NBAS: variants seen among roughly 807,000 people sequenced by gnomAD.
The protein encoded by NBAS is NBAS subunit of NRZ tethering complex.
NBAS carries 219 observed loss-of-function variants against 302.5 expected under a neutral mutation model. The ratio of observed to expected loss-of-function variants is 0.72; its 90% CI spans 0.65 to 0.81. The LOEUF (loss-of-function observed/expected upper bound fraction) is 0.81. Ranked by LOEUF, NBAS falls within the 30% of genes least tolerant of loss-of-function variation. The pLI, the probability that NBAS is intolerant of heterozygous loss-of-function variation, is 0.00. For synonymous variants in NBAS, 1,118 were observed against 1,021.6 expected (o/e 1.09, Z -1.80); for missense variants, 2,932 against 2,841.6 (o/e 1.03, Z -0.72).
chr2:14,788,887 G>T, the NBAS span, among the ~76,000 whole-genome samples: 2 of 152,354 alleles, frequency 1.3e-5, no homozygotes, highest in East Asian at 3.9e-4. Context: ...ATTTAAGTCT[G>T]CAGAGGTTAC....
At chr2:15,461,815 T>C in intron 19 of NBAS, 24 bp from the exon 20 acceptor site, 1 of 1,345,560 alleles carries the variant, frequency 7.4e-7, no homozygotes, top group South Asian at 1.2e-5. Context: ...TAATGAAAAG[T>C]GATTTAATGA....
At chr2:15,121,250 C>T in the NBAS span, among the ~76,000 whole-genome samples, 1 of 152,200 alleles carries the variant, frequency 6.6e-6, no homozygotes, top group Non-Finnish European at 1.5e-5. Flanking sequence ...TCTTTTATCT[C>T]TCAGTACATT....
At chr2:15,272,987 T>C (rs1447536261) in intron 44 of NBAS, among the ~76,000 whole-genome samples, 1 of 152,202 alleles carries the variant, frequency 6.6e-6, no homozygotes, top group Non-Finnish European at 1.5e-5. Context: ...CATCCTACTC[T>C]TATACTTAAT....
chr2:15,177,589 G>A (rs1027152154), intron 51 of NBAS, among the ~76,000 whole-genome samples: 1 of 152,138 alleles, frequency 6.6e-6, no homozygotes, highest in Non-Finnish European at 1.5e-5. Flanking sequence ...GAGGCCCATG[G>A]CAAATTTTTG....
At chr2:15,049,816 C>A in the NBAS span, among the ~76,000 whole-genome samples, 5 of 152,154 alleles carry the variant, frequency 3.3e-5, no homozygotes, top group Non-Finnish European at 5.9e-5. Context: ...TTCCAGGGGG[C>A]CTTGTAAACA....
At chr2:14,981,193 A>G in the NBAS span, among the ~76,000 whole-genome samples, 1 of 152,214 alleles carries the variant, frequency 6.6e-6, no homozygotes, top group African/African-American at 2.4e-5. Flanking sequence ...ACACCATGTT[A>G]AATTATAGCA....
At position 15,241,828 on chromosome 2, in the gene NBAS, C is replaced by T. The variant is rs79906448; in HGVS notation, c.5725-3142G>A. Among the ~76,000 whole-genome samples, 1,321 of 152,258 alleles carry T rather than the reference C, an allele frequency of 8.7e-3. 23 individuals are homozygous for T. Among genetic ancestry groups the T allele is most frequent in the African/African-American group, 0.03 (1,258 of 41,546 alleles). On this transcript the variant is annotated intron_variant, in intron 44 of 51. Coordinates refer to ENST00000281513, the MANE Select transcript of NBAS (RefSeq NM_015909.4). ...TAAATAAGCTCCCCAAATTTCTCAG[C>T]ACGGAACTCAAGAACCTTCACAAAC...
chr2:14,995,413 C>G, the NBAS span, among the ~76,000 whole-genome samples: 1 of 152,204 alleles, frequency 6.6e-6, no homozygotes, highest in African/African-American at 2.4e-5. Flanking sequence ...AACAGCTCCC[C>G]TGGAGATTGT....
At chr2:15,437,186 A>C (rs1327345163) in intron 21 of NBAS, among the ~76,000 whole-genome samples, 1 of 152,122 alleles carries the variant, frequency 6.6e-6, no homozygotes, top group African/African-American at 2.4e-5. Flanking sequence ...TATGAGTACA[A>C]AGAGATGTGG....
At chr2:15,397,500 G>A (rs1363604818) in intron 26 of NBAS, 9 of 564,074 alleles carry the variant, frequency 1.6e-5, no homozygotes, top group African/African-American at 5.7e-5. Context: ...GGGGGTGTTC[G>A]GTCCTTGCAG....
intron 47 of NBAS, among the ~76,000 whole-genome samples, chr2:15,222,540 G>A (rs1040830500): frequency 6.6e-6 from 1 of 152,138 alleles, no homozygotes; most frequent in Non-Finnish European, 1.5e-5. Flanking sequence ...GGTTTACTAT[G>A]CACCATGAAT....
Position 15,234,726 on chromosome 2 carries a change from G to T in NBAS, c.5965C>A (p.His1989Asn), listed in dbSNP as rs763854167. 1 of 1,614,108 alleles carries T rather than the reference G, an allele frequency of 6.2e-7. No individual in the cohort carries two copies. Among genetic ancestry groups the T allele is most frequent in the Admixed American group, 1.7e-5 (1 of 60,032 alleles). ...SEQETLQKYS[H>N]LYDLSRSEKE... ...TCTGATCGGGACAGATCATAGAGGT[G>T]ACTGTATTTTTGCAGTGTTTCCTGT... Residue 1989 changes from histidine (H) to asparagine (N), a missense_variant, in exon 46 of 52, where the codon CAC becomes AAC. Transcript: ENST00000281513.
At chr2:14,980,148 G>A in the NBAS span, among the ~76,000 whole-genome samples, 1 of 152,110 alleles carries the variant, frequency 6.6e-6, no homozygotes, top group Non-Finnish European at 1.5e-5. Context: ...GAAGCCTTTG[G>A]AGAAATAACT....
chr2:15,557,962 T>C (rs950686451), intron 2 of NBAS, among the ~76,000 whole-genome samples: 1 of 152,226 alleles, frequency 6.6e-6, no homozygotes, highest in African/African-American at 2.4e-5. Context: ...ACCAGATCTA[T>C]CTGAAACACC....
At chr2:15,524,033 T>G (rs1298788173) in intron 9 of NBAS, among the ~76,000 whole-genome samples, 1 of 152,230 alleles carries the variant, frequency 6.6e-6, no homozygotes, top group Non-Finnish European at 1.5e-5. Context: ...AGTGTACTTC[T>G]TTCAAATGAT....
chr2:14,972,281 C>T, the NBAS span, among the ~76,000 whole-genome samples: 1 of 152,052 alleles, frequency 6.6e-6, no homozygotes, highest in Non-Finnish European at 1.5e-5. Context: ...GGGAACAACA[C>T]ATACCAGGGC....
chr2:14,936,843 T>A, the NBAS span, among the ~76,000 whole-genome samples: 1 of 152,154 alleles, frequency 6.6e-6, no homozygotes, highest in Admixed American at 6.5e-5. Context: ...GACAACACTT[T>A]AACCTGTCTC....
chr2:15,313,095 C>A (rs1027843251), intron 38 of NBAS, among the ~76,000 whole-genome samples: 3 of 152,068 alleles, frequency 2.0e-5, no homozygotes, highest in Non-Finnish European at 4.4e-5. Context: ...CCCTAAAAAA[C>A]GAAAGTTAAC....
chr2:14,872,484 G>A, the NBAS span, among the ~76,000 whole-genome samples: 9 of 152,074 alleles, frequency 5.9e-5, no homozygotes, highest in Middle Eastern at 3.4e-3. Context: ...TCCCTAATGC[G>A]TCTGGAATTG....
Sources: gnomAD v4.1 joint callset for allele counts (sites outside exome capture counted in the v4.1 genomes callset) on GRCh38, gnomAD v4.1.1 for gene constraint, MANE v1.5 for transcripts, NCBI Gene and HGNC (gene_info 2026-07-23, HGNC 2026-07-21) for gene names.